The following SUMF1 variants were observed in gnomAD, a reference collection of about 807,000 sequenced individuals.
SUMF1 encodes sulfatase modifying factor 1.
Under a neutral mutation model 47.6 loss-of-function variants are expected in SUMF1, and 48 were observed. The ratio of observed to expected loss-of-function variants is 1.01; its 90% CI spans 0.80 to 1.28. SUMF1 has a LOEUF of 1.28. Ranked by LOEUF, SUMF1 falls within the 50% of genes most tolerant of loss-of-function variation. SUMF1 has a pLI of 0.00. For synonymous variants in SUMF1, 230 were observed against 192.1 expected, an observed-to-expected ratio of 1.20 and a Z score of -1.63; for missense variants, 571 against 485.4, an observed-to-expected ratio of 1.18 and a Z score of -1.66.
chr3:4,202,666 G>A (rs1243095294), intron 8 of SUMF1, among the ~76,000 whole-genome samples: 4 of 151,922 alleles, frequency 2.6e-5, no homozygotes, highest in African/African-American at 7.2e-5. Flanking sequence ...CTTTGATAGG[G>A]ATTGCATTGA....
intron 8 of SUMF1, among the ~76,000 whole-genome samples, chr3:4,175,595 G>A (rs1334959915): frequency 6.6e-6 from 1 of 152,204 alleles, no homozygotes; most frequent in Non-Finnish European, 1.5e-5. Context: ...AACCACAGCA[G>A]AAAAGCTCAA....
At chr3:4,067,012 G>A (rs1695394173) in intron 9 of SUMF1, among the ~76,000 whole-genome samples, 1 of 152,052 alleles carries the variant, frequency 6.6e-6, no homozygotes. Context: ...TTCGTTAGGG[G>A]ATAACCTCAT....
intron 8 of SUMF1, chr3:4,317,248 A>G: frequency 6.6e-7 from 1 of 1,523,992 alleles, no homozygotes; most frequent in South Asian, 1.2e-5. Flanking sequence ...TTTGATTAAT[A>G]AAAATGCGTT....
intron 1 of SUMF1, among the ~76,000 whole-genome samples, chr3:4,458,697 T>C (rs1412392149): frequency 2.0e-5 from 3 of 151,926 alleles, no homozygotes; most frequent in Non-Finnish European, 4.4e-5. Context: ...CCACTAAAAA[T>C]ACAAAAACTT....
intron 1 of SUMF1, among the ~76,000 whole-genome samples, chr3:4,462,913 T>C (rs1488102420): frequency 1.3e-5 from 2 of 152,218 alleles, no homozygotes; most frequent in Non-Finnish European, 2.9e-5. Context: ...ATGATTCCTT[T>C]AAGCCTCAGT....
At chr3:4,288,096 T>G (rs569193896) in intron 8 of SUMF1, among the ~76,000 whole-genome samples, 19 of 152,062 alleles carry the variant, frequency 1.2e-4, no homozygotes, top group Non-Finnish European at 1.8e-4. Context: ...GCAATCTAGG[T>G]CTATGACCAT....
In SUMF1 at chr3:4,066,114, G is replaced by A. The variant is rs74482346; in HGVS notation, c.1191+2455C>T. Among the ~76,000 whole-genome samples the A allele has an allele frequency of 8.0e-4, 121 of 152,046 alleles. 7 individuals are homozygous for A. In the East Asian group the frequency reaches 0.021, roughly 26 times the overall value. On this transcript the variant is annotated intron_variant and NMD_transcript_variant, in intron 9 of 12. Transcript: ENST00000448413. ...GGAAGGGTGAAAAGTGGATCTGGAA[G>A]GGAAACAGAAGACATTCAGCACAGT...
At chr3:4,386,704 TC>T (rs1273210464) in intron 7 of SUMF1, among the ~76,000 whole-genome samples, 1 of 152,070 alleles carries the variant, frequency 6.6e-6, no homozygotes, top group East Asian at 1.9e-4. Flanking sequence ...AAGCACTTGG[TC>T]TTTTACCATT....
intron 8 of SUMF1, among the ~76,000 whole-genome samples, chr3:4,083,881 T>G (rs906039715): frequency 2.6e-5 from 4 of 151,894 alleles, no homozygotes; most frequent in Admixed American, 2.6e-4. Context: ...TTTGTAGGAT[T>G]AAGGTGTTCA....
intron 7 of SUMF1, among the ~76,000 whole-genome samples, chr3:4,380,088 G>A (rs1314706735): frequency 6.6e-6 from 1 of 152,176 alleles, no homozygotes; most frequent in African/African-American, 2.4e-5. Context: ...ACAGCAGGAA[G>A]AGCGGCTGCA....
intron 8 of SUMF1, among the ~76,000 whole-genome samples, chr3:4,069,574 A>G (rs1232804102): frequency 6.6e-6 from 1 of 152,152 alleles, no homozygotes; most frequent in South Asian, 2.1e-4. Context: ...CCCCATGAGC[A>G]CATGTGTGGG....
chr3:4,236,178 C>T (rs1295658246), intron 8 of SUMF1, among the ~76,000 whole-genome samples: 1 of 152,028 alleles, frequency 6.6e-6, no homozygotes, highest in Non-Finnish European at 1.5e-5. Context: ...TAAAGTGATC[C>T]TTCCACCTAG....
At chr3:4,432,121 G>T (rs747264651) in intron 3 of SUMF1, among the ~76,000 whole-genome samples, 2 of 151,674 alleles carry the variant, frequency 1.3e-5, no homozygotes, top group Non-Finnish European at 2.9e-5. Flanking sequence ...TCAGACATTT[G>T]TAGAATAATC....
intron 8 of SUMF1, among the ~76,000 whole-genome samples, chr3:4,175,482 C>A (rs1251651308): frequency 6.6e-6 from 1 of 152,242 alleles, no homozygotes; most frequent in East Asian, 1.9e-4. Context: ...AAACAAAAAG[C>A]AATAGCATCA....
chr3:4,215,011 A>C (rs1362213356), intron 8 of SUMF1, among the ~76,000 whole-genome samples: 1 of 152,210 alleles, frequency 6.6e-6, no homozygotes, highest in Non-Finnish European at 1.5e-5. Flanking sequence ...GATTTCAAAC[A>C]ATAGAAAAAG....
intron 1 of SUMF1, among the ~76,000 whole-genome samples, chr3:4,453,571 C>T (rs902270906): frequency 2.7e-5 from 4 of 146,260 alleles, no homozygotes; most frequent in African/African-American, 1.0e-4. Flanking sequence ...CTTGCTCTGT[C>T]GCCCCAGGCT....
intron 2 of SUMF1, among the ~76,000 whole-genome samples, chr3:4,451,071 G>A (rs1314561669): frequency 6.7e-6 from 1 of 150,338 alleles, no homozygotes; most frequent in African/African-American, 2.5e-5. Context: ...ATGTTTAAAT[G>A]CATAAAATAA....
chr3:4,236,988 T>C (rs1696424343), intron 8 of SUMF1, among the ~76,000 whole-genome samples: 1 of 152,192 alleles, frequency 6.6e-6, no homozygotes, highest in African/African-American at 2.4e-5. Flanking sequence ...ATAGAAATTA[T>C]ACTGTATATA....
chr3:4,143,476 C>G (rs1694120638), intron 8 of SUMF1, among the ~76,000 whole-genome samples: 1 of 152,102 alleles, frequency 6.6e-6, no homozygotes, highest in Non-Finnish European at 1.5e-5. Context: ...GCAATTACAT[C>G]TGAACAAGGA....
Sources: gnomAD v4.1 joint callset for allele counts (sites outside exome capture counted in the v4.1 genomes callset) on GRCh38, gnomAD v4.1.1 for gene constraint, MANE v1.5 for transcripts, NCBI Gene and HGNC (gene_info 2026-07-23, HGNC 2026-07-21) for gene names.